Variants in AUTS2 observed in about 807,000 individuals in gnomAD.
AUTS2 encodes activator of transcription and developmental regulator AUTS2.
In AUTS2, 17 loss-of-function variants were observed where a neutral mutation model predicts 112.4. The ratio of observed to expected loss-of-function variants is 0.15; its 90% CI spans 0.10 to 0.23. The LOEUF (loss-of-function observed/expected upper bound fraction) is 0.23, where lower values mean the gene tolerates loss of function less well. Ranked by LOEUF, AUTS2 falls within the 10% of genes least tolerant of loss-of-function variation. The probability of loss-of-function intolerance (pLI) is 1.00; values close to 1 mark genes in which losing one functional copy is unlikely to be tolerated. For missense variants in AUTS2, 1,510 were observed against 1,701.6 expected, an observed-to-expected ratio of 0.89 and a Z score of 1.98; for synonymous variants, 751 against 702.7, an observed-to-expected ratio of 1.07 and a Z score of -1.09.
intron 2 of AUTS2, among the ~76,000 whole-genome samples, chr7:70,020,878 C>G (rs965577683): frequency 6.6e-6 from 1 of 152,084 alleles, no homozygotes; most frequent in Admixed American, 6.5e-5. Context: ...GCCATTCTGC[C>G]TAGGCTAGTC....
intron 1 of AUTS2, among the ~76,000 whole-genome samples, chr7:69,883,063 G>A (rs1446825438): frequency 6.6e-6 from 1 of 152,106 alleles, no homozygotes; most frequent in Non-Finnish European, 1.5e-5. Flanking sequence ...AGGCTCATAA[G>A]GGCCAAGGCA....
At chr7:70,234,074 A>T (rs1002197571) in intron 4 of AUTS2, among the ~76,000 whole-genome samples, 2 of 152,226 alleles carry the variant, frequency 1.3e-5, no homozygotes, top group African/African-American at 4.8e-5. Flanking sequence ...TTTTATTGGT[A>T]TGAATTCTAA....
At chr7:70,392,461 A>G (rs1562931446) in intron 4 of AUTS2, among the ~76,000 whole-genome samples, 1 of 152,212 alleles carries the variant, frequency 6.6e-6, no homozygotes, top group Non-Finnish European at 1.5e-5. Flanking sequence ...GTCTCAGTGT[A>G]CCATATTTAT....
chr7:70,464,841 A>T (rs1362571109), intron 5 of AUTS2, among the ~76,000 whole-genome samples: 2 of 152,172 alleles, frequency 1.3e-5, no homozygotes, highest in Non-Finnish European at 2.9e-5. Context: ...CATGTCGGTT[A>T]TTCTGGGATT....
At chr7:70,297,707 T>G (rs1401929383) in intron 4 of AUTS2, among the ~76,000 whole-genome samples, 1 of 152,246 alleles carries the variant, frequency 6.6e-6, no homozygotes, top group East Asian at 1.9e-4. Context: ...GTGTTGGGAT[T>G]ACAGGCGTGA....
intron 2 of AUTS2, among the ~76,000 whole-genome samples, chr7:70,050,363 A>AAG (rs1218378518): frequency 1.7e-4 from 26 of 150,854 alleles, no homozygotes; most frequent in Non-Finnish European, 3.2e-4. Context: ...CTCAAAAAAA[A>AAG]AAAAAAAAAA....
At chr7:70,310,790 T>A (rs1217863703) in intron 4 of AUTS2, among the ~76,000 whole-genome samples, 2 of 152,166 alleles carry the variant, frequency 1.3e-5, no homozygotes, top group Non-Finnish European at 2.9e-5. Flanking sequence ...TCCCTTTTGA[T>A]GAATTGGCTC....
At chr7:69,654,751 C>T (rs921934061) in intron 1 of AUTS2, among the ~76,000 whole-genome samples, 6 of 151,924 alleles carry the variant, frequency 3.9e-5, no homozygotes, top group Non-Finnish European at 8.8e-5. Flanking sequence ...AACCTAAGCA[C>T]TTACTGTCTT....
chr7:70,254,106 T>G (rs1337554046), intron 4 of AUTS2, among the ~76,000 whole-genome samples: 1 of 152,192 alleles, frequency 6.6e-6, no homozygotes, highest in Non-Finnish European at 1.5e-5. Context: ...GAATAATATT[T>G]TAAACTTCAT....
intron 4 of AUTS2, among the ~76,000 whole-genome samples, chr7:70,240,446 A>G (rs143915847): frequency 1.3e-5 from 2 of 152,324 alleles, no homozygotes; most frequent in East Asian, 1.9e-4. Context: ...TGATGGTAGT[A>G]CACTTATAAT....
At chr7:69,897,484 A>G (rs761130868) in intron 1 of AUTS2, among the ~76,000 whole-genome samples, 5 of 151,834 alleles carry the variant, frequency 3.3e-5, no homozygotes, top group South Asian at 2.1e-4. Flanking sequence ...TTATAAGGGC[A>G]CTAATCCCCT....
chr7:70,261,991 G>T (rs185217285), intron 4 of AUTS2, among the ~76,000 whole-genome samples: 1 of 151,722 alleles, frequency 6.6e-6, no homozygotes, highest in South Asian at 2.1e-4. Context: ...TATTAATTTC[G>T]TACTAAAAAG....
At chr7:70,459,436 G>A (rs955514431) in intron 5 of AUTS2, among the ~76,000 whole-genome samples, 4 of 152,158 alleles carry the variant, frequency 2.6e-5, no homozygotes, top group Non-Finnish European at 5.9e-5. Flanking sequence ...TAGCCCATTA[G>A]TGAACTGTCA....
At chr7:69,917,834 G>A (rs1191109867) in intron 2 of AUTS2, among the ~76,000 whole-genome samples, 1 of 151,690 alleles carries the variant, frequency 6.6e-6, no homozygotes, top group African/African-American at 2.4e-5. Context: ...TGTTGTTGTT[G>A]TTGTTGTTGT....
intron 1 of AUTS2, among the ~76,000 whole-genome samples, chr7:69,643,855 G>T (rs944290999): frequency 6.6e-6 from 1 of 152,218 alleles, no homozygotes; most frequent in Non-Finnish European, 1.5e-5. Context: ...GAGGTGAGAA[G>T]ATTGCTTGAA....
intron 4 of AUTS2, among the ~76,000 whole-genome samples, chr7:70,311,159 A>G (rs1242390544): frequency 6.6e-6 from 1 of 152,206 alleles, no homozygotes; most frequent in African/African-American, 2.4e-5. Flanking sequence ...GGGACTTACA[A>G]AGCCTATTGA....
Position 70,060,180 on chromosome 7 carries a change from T to A in AUTS2, c.523-57952T>A, listed in dbSNP as rs774684913. Among the ~76,000 whole-genome samples the A allele has an allele frequency of 1.9e-4, 29 of 152,202 alleles. No homozygotes were observed. In the East Asian group the frequency reaches 1.9e-3, roughly 10 times the overall value. The stretch of plus-strand genomic sequence containing the variant: ...ACATTGAACAAAGGGTTAAATTTTT[T>A]AAAAAGTTTTTGTACACTCTTTCTT... On this transcript the variant is annotated intron_variant, in intron 2 of 18. Coordinates refer to ENST00000342771, the MANE Select transcript of AUTS2 (RefSeq NM_015570.4).
At chr7:70,534,698 T>A (rs1800240403) in intron 5 of AUTS2, among the ~76,000 whole-genome samples, 1 of 152,186 alleles carries the variant, frequency 6.6e-6, no homozygotes, top group Non-Finnish European at 1.5e-5. Context: ...AGTGCTGGGA[T>A]TACAGGCGTG....
chr7:70,203,471 A>G (rs1810408637), intron 4 of AUTS2, among the ~76,000 whole-genome samples: 1 of 151,334 alleles, frequency 6.6e-6, no homozygotes. Context: ...TGAATCTATG[A>G]TAAAGAAAAC....
Sources: gnomAD v4.1 joint callset for allele counts (sites outside exome capture counted in the v4.1 genomes callset) on GRCh38, gnomAD v4.1.1 for gene constraint, MANE v1.5 for transcripts, NCBI Gene and HGNC (gene_info 2026-07-23, HGNC 2026-07-21) for gene names.